The following VGLL4 variants were observed in gnomAD, a reference collection of about 807,000 sequenced individuals.
VGLL4 encodes transcription cofactor vestigial-like protein 4.
A neutral mutation model predicts 21.0 loss-of-function variants in VGLL4; 7 were observed. The observed-to-expected ratio is 0.33, with a 90% CI of 0.19 to 0.63. VGLL4 has a LOEUF of 0.63. Among genes scored for constraint, VGLL4 ranks in the 20% least tolerant of loss-of-function variants. The probability of loss-of-function intolerance (pLI) is 0.78; values close to 1 mark genes in which losing one functional copy is unlikely to be tolerated. For synonymous variants in VGLL4, 222 were observed against 173.2 expected (o/e 1.28, Z -2.21); for missense variants, 394 against 425.7 (o/e 0.93, Z 0.66).
At chr3:11,717,277 G>T (rs1383380717) in intron 1 of VGLL4, among the ~76,000 whole-genome samples, 4 of 140,394 alleles carry the variant, frequency 2.8e-5, no homozygotes, top group African/African-American at 1.1e-4. Context: ...TAGTACTTTT[G>T]TTAGGTCATG....
At chr3:11,651,150 C>T (rs375028474) in intron 2 of VGLL4, among the ~76,000 whole-genome samples, 5 of 151,964 alleles carry the variant, frequency 3.3e-5, no homozygotes, top group Admixed American at 6.6e-5. Flanking sequence ...CGGGACCAGC[C>T]TGACTAACAT....
chr3:11,569,684 G>A (rs1002658771), intron 2 of VGLL4, among the ~76,000 whole-genome samples: 1 of 152,198 alleles, frequency 6.6e-6, no homozygotes, highest in Non-Finnish European at 1.5e-5. Flanking sequence ...CTGAGAACTG[G>A]CAGGACAGCC....
chr3:11,575,140 G>C (rs528907323), intron 2 of VGLL4, among the ~76,000 whole-genome samples: 1 of 152,202 alleles, frequency 6.6e-6, no homozygotes, highest in Non-Finnish European at 1.5e-5. Context: ...GTGGCTGGCA[G>C]GTGGCAGAGT....
intron 2 of VGLL4, among the ~76,000 whole-genome samples, chr3:11,590,051 G>A (rs1323989013): frequency 2.0e-5 from 3 of 152,312 alleles, no homozygotes; most frequent in East Asian, 3.9e-4. Context: ...AGCCTGAAAG[G>A]TGCTAACATG....
chr3:11,666,839 CA>C (rs1350451909), intron 2 of VGLL4, among the ~76,000 whole-genome samples: 1 of 152,182 alleles, frequency 6.6e-6, no homozygotes, highest in African/African-American at 2.4e-5. Flanking sequence ...TAGTTACTTA[CA>C]AAACATGAAT....
chr3:11,685,440 G>A (rs2076433238), intron 2 of VGLL4, among the ~76,000 whole-genome samples: 2 of 152,026 alleles, frequency 1.3e-5, no homozygotes, highest in South Asian at 4.1e-4. Flanking sequence ...CTTGTGATCT[G>A]CCTGCCTTGG....
chr3:11,696,628 T>C (rs1246621522), intron 2 of VGLL4, among the ~76,000 whole-genome samples: 1 of 152,192 alleles, frequency 6.6e-6, no homozygotes, highest in Admixed American at 6.5e-5. Context: ...GATCCTAAAA[T>C]CAATGTAAGG....
chr3:11,618,508 G>A (rs2075207126), intron 1 of VGLL4, among the ~76,000 whole-genome samples: 1 of 152,142 alleles, frequency 6.6e-6, no homozygotes, highest in African/African-American at 2.4e-5. Flanking sequence ...TAATAATGGT[G>A]TTCAGCATAA....
intron 1 of VGLL4, among the ~76,000 whole-genome samples, chr3:11,638,275 G>A (rs898112797): frequency 3.3e-5 from 5 of 152,182 alleles, no homozygotes; most frequent in Admixed American, 3.3e-4. Context: ...AACGGAGGAA[G>A]GAGGGAGGAA....
chr3:11,638,355 T>C (rs1313880924), intron 1 of VGLL4, among the ~76,000 whole-genome samples: 2 of 152,104 alleles, frequency 1.3e-5, no homozygotes, highest in Non-Finnish European at 2.9e-5. Context: ...CAATAATCTT[T>C]CGAGAAGCGG....
At chr3:11,582,603 A>G (rs539650654) in intron 2 of VGLL4, among the ~76,000 whole-genome samples, 1 of 152,368 alleles carries the variant, frequency 6.6e-6, no homozygotes, top group African/African-American at 2.4e-5. Context: ...TGCTGTCAGA[A>G]TTACAGCACG....
At chr3:11,621,587 T>C (rs984426780) in intron 1 of VGLL4, among the ~76,000 whole-genome samples, 17 of 152,224 alleles carry the variant, frequency 1.1e-4, no homozygotes, top group African/African-American at 3.9e-4. Flanking sequence ...GGTATTTGGA[T>C]TGCTTCTACT....
chr3:11,694,165 A>G (rs1029441697), intron 2 of VGLL4, among the ~76,000 whole-genome samples: 1 of 152,250 alleles, frequency 6.6e-6, no homozygotes, highest in African/African-American at 2.4e-5. Flanking sequence ...TGAGGTCCCC[A>G]GACAAATGCT....
chr3:11,572,621 G>C (rs1390029239), intron 2 of VGLL4, among the ~76,000 whole-genome samples: 1 of 152,090 alleles, frequency 6.6e-6, no homozygotes, highest in East Asian at 1.9e-4. Context: ...TGCCACACGT[G>C]GATGTGTCCG....
chr3:11,613,982 G>A (rs2075111771), intron 1 of VGLL4, among the ~76,000 whole-genome samples: 4 of 152,322 alleles, frequency 2.6e-5, no homozygotes, highest in African/African-American at 2.4e-5. Flanking sequence ...GCTCCACCAG[G>A]AGCCGGCGAC....
At chr3:11,646,787 T>C (rs771585622), upstream of VGLL4, among the ~76,000 whole-genome samples, 2 of 152,142 alleles carry the variant, frequency 1.3e-5, no homozygotes, top group East Asian at 1.9e-4. Context: ...ACCTTGACTA[T>C]TGTAACATTC....
chr3:11,564,001 A>G (rs970947685), intron 3 of VGLL4, among the ~76,000 whole-genome samples: 2 of 152,302 alleles, frequency 1.3e-5, no homozygotes, highest in Admixed American at 6.5e-5. Flanking sequence ...AGCTGAATGC[A>G]CAGAGCCCGG....
At chr3:11,598,331 C>T (rs17034773) in intron 2 of VGLL4, among the ~76,000 whole-genome samples, 18,420 of 152,108 alleles carry the variant, frequency 0.12, 1,372 homozygotes, top group East Asian at 0.25. Flanking sequence ...CCGGCCTCTG[C>T]TGCTTCTTAC....
At chr3:11,609,475 AAC>A (rs2075014502) in intron 1 of VGLL4, among the ~76,000 whole-genome samples, 1 of 152,238 alleles carries the variant, frequency 6.6e-6, no homozygotes. Context: ...AAGTTCCAGC[AAC>A]ATTCATTTAT....
Sources: allele counts gnomAD v4.1 joint callset (sites outside exome capture counted in the v4.1 genomes callset), GRCh38; gene constraint gnomAD v4.1.1; transcripts MANE v1.5; gene names NCBI Gene and HGNC (gene_info 2026-07-23, HGNC 2026-07-21).